CNTRL: variants seen among roughly 807,000 people sequenced by gnomAD.
CNTRL encodes centriolin, also known as 110 kDa centrosomal protein.
In CNTRL, 233 loss-of-function variants were observed where a neutral mutation model predicts 303.7. The observed-to-expected ratio is 0.77, with a 90% CI of 0.69 to 0.86. The LOEUF is 0.86. CNTRL is among the 40% of genes least tolerant of loss of function. The pLI, the probability that CNTRL is intolerant of heterozygous loss-of-function variation, is 0.00. For synonymous variants in CNTRL, 900 were observed against 922.2 expected (o/e 0.98, Z 0.44); for missense variants, 2,524 against 2,650.6 (o/e 0.95, Z 1.05).
chr9:121,138,918 T>G (rs1231467785), intron 16 of CNTRL, among the ~76,000 whole-genome samples: 5 of 152,190 alleles, frequency 3.3e-5, no homozygotes, highest in Admixed American at 1.3e-4. Flanking sequence ...AGAGGCAGTG[T>G]CAGTAGTAAA....
rs190967680 is a variant in CNTRL at position 121,170,828 on chromosome 9, T to G, written c.6277-580T>G. Reference sequence around the variant, plus strand: ...CCTTTTTGGCCAACATTAGCTTTAATCATTATCCTAAAACCAGGAAGCTCA... The same window carrying G: ...CCTTTTTGGCCAACATTAGCTTTAAGCATTATCCTAAAACCAGGAAGCTCA... On this transcript the variant is annotated intron_variant, in intron 39 of 43. Transcript: ENST00000373855. Among the ~76,000 whole-genome samples the G allele has an allele frequency of 1.4e-3, 210 of 152,324 alleles. 2 individuals carry two copies. Among genetic ancestry groups the G allele is most frequent in the African/African-American group, 4.6e-3 (192 of 41,570 alleles).
intron 3 of CNTRL, among the ~76,000 whole-genome samples, chr9:121,088,892 A>C (rs2048449503): frequency 6.6e-6 from 1 of 152,262 alleles, no homozygotes; most frequent in African/African-American, 2.4e-5. Context: ...AAAAAACGTT[A>C]TACATACTTG....
chr9:121,098,829 C>A (rs199988291), intron 7 of CNTRL, among the ~76,000 whole-genome samples: 113 of 142,428 alleles, frequency 7.9e-4, no homozygotes, highest in Admixed American at 1.1e-3. Context: ...AGAAGACAGA[C>A]AAAAAAAAAA....
chr9:121,166,617 C>A (rs145879092), intron 36 of CNTRL, among the ~76,000 whole-genome samples: 2 of 152,262 alleles, frequency 1.3e-5, no homozygotes, highest in East Asian at 3.9e-4. Flanking sequence ...AGATTTTTGA[C>A]CCTCATACTT....
chr9:121,115,091 C>T lies in CNTRL; in HGVS notation c.1346C>T (p.Ala449Val). The change falls in exon 11 of 44, where the codon GCA becomes GTA. Residue 449 changes from alanine to valine, a missense_variant and splice_region_variant. Coordinates refer to ENST00000373855, the MANE Select transcript of CNTRL (RefSeq NM_007018.6). Reference sequence around the variant, plus strand: ...GTGAGCATGGTTTTTAAATTTGCAGCACAAACTCGACTATCAGAACTGCAT... The same window carrying T: ...GTGAGCATGGTTTTTAAATTTGCAGTACAAACTCGACTATCAGAACTGCAT... Reference protein sequence around the residue: ...LEDKEKKISAAQTRLSELHDE... With the variant: ...LEDKEKKISAVQTRLSELHDE... 6.3e-7 allele frequency: 1 copy of T among 1,575,068 alleles called. No individual in the cohort carries two copies. The highest frequency in any genetic ancestry group is 8.6e-7 in the Non-Finnish European group (1 of 1,159,196).
chr9:121,102,577 A>C (rs553033686), intron 7 of CNTRL, among the ~76,000 whole-genome samples: 1 of 152,172 alleles, frequency 6.6e-6, no homozygotes, highest in Non-Finnish European at 1.5e-5. Context: ...GAAATAAAGG[A>C]TGTTCACTTA....
At position 121,133,507 on chromosome 9, in the gene CNTRL, G is replaced by A. The variant is rs138972856; in HGVS notation, c.2026-2299G>A. Reference sequence around the variant, plus strand: ...TTGCTAAGACCATTGGAAAAGCACAGTATTTGGGTGAGAGTGTCCTGTTTT... The same window carrying A: ...TTGCTAAGACCATTGGAAAAGCACAATATTTGGGTGAGAGTGTCCTGTTTT... On this transcript the variant is annotated intron_variant, in intron 14 of 43. Transcript: ENST00000373855. 1.1e-3 allele frequency among the ~76,000 whole-genome samples: 174 copies of A among 152,378 alleles called. No homozygotes were observed. In the East Asian group the frequency reaches 0.029, roughly 26 times the overall value.
chr9:121,075,922 A>C (rs1230617135), intron 1 of CNTRL, among the ~76,000 whole-genome samples: 1 of 152,254 alleles, frequency 6.6e-6, no homozygotes, highest in East Asian at 1.9e-4. Flanking sequence ...TTCGTTCCAG[A>C]ATCCAAGCTT....
At position 121,113,862 on chromosome 9, in the gene CNTRL, A is replaced by T. The variant is rs561843048; in HGVS notation, c.1345+138A>T. 722 of 516,618 alleles carry T rather than the reference A, an allele frequency of 1.4e-3. 7 individuals carry two copies. Among genetic ancestry groups the T allele is most frequent in the South Asian group, 0.011 (275 of 26,010 alleles). 32.0% of individuals were successfully genotyped at this position (516,618 alleles called of 1,614,324 possible). A position where few individuals can be genotyped will look rare whatever the true frequency, so the allele number is the denominator to read the frequency against. On this transcript the variant is annotated intron_variant, in intron 10 of 43. Transcript: ENST00000373855. ...TGAAAAGTCTAAAACAAAAGTAGTG[A>T]TTATCAAGCAGATTTATCGAGCATT...
In CNTRL at chr9:121,158,907, A is replaced by G; in HGVS notation, c.4817A>G (p.Lys1606Arg). 1.2e-6 allele frequency: 2 copies of G among 1,614,158 alleles called. No individual in the cohort carries two copies. The highest frequency in any genetic ancestry group is 2.7e-5 in the African/African-American group (2 of 75,044). Reference sequence around the variant, plus strand: ...GTCTTGGACAGGCAGTTAGGGCATAAAAAGGAGGAGCTGCATCTACTCCAA... The same window carrying G: ...GTCTTGGACAGGCAGTTAGGGCATAGAAAGGAGGAGCTGCATCTACTCCAA... ...MAVLDRQLGH[K>R]KEELHLLQGS... The change falls in exon 31 of 44, where the codon AAA (lysine) becomes AGA (arginine). Residue 1606 changes from lysine (K) to arginine (R), a missense_variant. Physicochemically the swap from Lys to Arg is conservative, Grantham distance 26 (BLOSUM62 2). Transcript: ENST00000373855.
At chr9:121,083,120 A>G (rs2048210492) in intron 2 of CNTRL, among the ~76,000 whole-genome samples, 1 of 152,192 alleles carries the variant, frequency 6.6e-6, no homozygotes, top group Non-Finnish European at 1.5e-5. Flanking sequence ...GTGAAGGTGT[A>G]GGACATTACG....
At chr9:121,156,911 C>G (rs1371213011) in intron 27 of CNTRL, among the ~76,000 whole-genome samples, 1 of 152,182 alleles carries the variant, frequency 6.6e-6, no homozygotes, top group African/African-American at 2.4e-5. Context: ...GCAAGAATTT[C>G]TGTGTGGAGG....
intron 37 of CNTRL, 130 bp from the exon 38 acceptor site, chr9:121,167,966 C>T (rs2053159639): frequency 1.2e-6 from 1 of 819,356 alleles, no homozygotes; most frequent in Non-Finnish European, 1.9e-6. Flanking sequence ...TCTTGATCAC[C>T]TCTGTAATGG....
chr9:121,121,763 G>A, intron 12 of CNTRL: 3 of 985,144 alleles, frequency 3.0e-6, no homozygotes, highest in Middle Eastern at 5.2e-4. Context: ...GGGCGGGGCC[G>A]CCGCTCACTC....
At chr9:121,120,344 A>G (rs908052299) in intron 12 of CNTRL, among the ~76,000 whole-genome samples, 2 of 152,212 alleles carry the variant, frequency 1.3e-5, no homozygotes, top group African/African-American at 4.8e-5. Context: ...AAAAATTGAA[A>G]CCAAGGTATT....
rs1564302331 is a variant in CNTRL at position 121,168,281 on chromosome 9, G to A, written c.6030G>A (p.Glu2010=). The A allele has an allele frequency of 6.2e-7, 1 of 1,614,180 alleles. No individual in the cohort carries two copies. The highest frequency in any genetic ancestry group is 8.5e-7 in the Non-Finnish European group (1 of 1,180,036). The change falls in exon 38 of 44, where the codon GAG becomes GAA. Residue 2010 remains glutamate, a synonymous_variant. Transcript: ENST00000373855. ...GTGTTAGGACTCTGCAGGAAGAGGA[G>A]AGGTGGTGTGAGAGCCTGGAGAAGA... ...EERVRTLQEE[E]RWCESLEKTL...
In CNTRL at chr9:121,096,473, A is replaced by G. The variant is rs766210620; in HGVS notation, c.531A>G (p.Ala177=). 6.3e-7 allele frequency: 1 copy of G among 1,575,412 alleles called. No individual in the cohort carries two copies. The change falls in exon 6 of 44, where the codon GCA becomes GCG. Residue 177 remains alanine, a synonymous_variant. Coordinates refer to ENST00000373855, the MANE Select transcript of CNTRL (RefSeq NM_007018.6). ...NMCNLQKLNL[A]GNEIEHIPVW... is the part of the protein sequence containing the mutation. ...GTAATCTGCAAAAGCTTAACCTTGC[A>G]GGAAATGAAATTGAGCATATTCCAG...
At position 121,141,534 on chromosome 9, in the gene CNTRL, G is replaced by A. The variant is rs183530281; in HGVS notation, c.2637G>A (p.Leu879=). The part of the protein sequence containing the change: ...QEEMALQQEK[L]ATGQEEFRQA... ...AAATGGCTCTGCAGCAAGAGAAACT[G>A]GCAACTGGACAAGAAGAGTTCAGGC... is the stretch of plus-strand genomic sequence containing the variant. Residue 879 remains leucine, a synonymous_variant, in exon 18 of 44, where the codon CTG becomes CTA. Transcript: ENST00000373855. 1.5e-5 allele frequency: 25 copies of A among 1,614,108 alleles called. No homozygotes were observed. In the African/African-American group the frequency reaches 2.7e-4, roughly 17 times the overall value.
At chr9:121,077,867 G>T (rs1050889642) in intron 1 of CNTRL, among the ~76,000 whole-genome samples, 1 of 152,012 alleles carries the variant, frequency 6.6e-6, no homozygotes, top group Admixed American at 6.6e-5. Flanking sequence ...GATCACTTGA[G>T]CCCAGGAAGG....
Sources: gnomAD v4.1 joint callset for allele counts (sites outside exome capture counted in the v4.1 genomes callset) on GRCh38, gnomAD v4.1.1 for gene constraint, MANE v1.5 for transcripts, NCBI Gene and HGNC (gene_info 2026-07-23, HGNC 2026-07-21) for gene names.